SLC15A4: variants seen among roughly 807,000 people sequenced by gnomAD.
SLC15A4 encodes the protein solute carrier family 15 member 4, also known as hPHT1.
In SLC15A4, 26 loss-of-function variants were observed where a neutral mutation model predicts 46.1. That is an observed-to-expected ratio of 0.56 (90% CI 0.41 to 0.78). The LOEUF is 0.78. SLC15A4 is among the 30% of genes least tolerant of loss of function. The pLI is 0.00. For missense variants in SLC15A4, 751 were observed against 755.7 expected (o/e 0.99, Z 0.07); for synonymous variants, 370 against 333.4 (o/e 1.11, Z -1.20).
At chr12:128,806,186 A>G (rs934657646) in intron 5 of SLC15A4, among the ~76,000 whole-genome samples, 10 of 151,708 alleles carry the variant, frequency 6.6e-5, no homozygotes, top group Non-Finnish European at 1.5e-4. Context: ...AAAAAAAGAA[A>G]AACCTATTAC....
chr12:128,814,478 T>C, intron 2 of SLC15A4: 1 of 353,020 alleles, frequency 2.8e-6, no homozygotes, highest in Non-Finnish European at 5.2e-6. Flanking sequence ...CCTCCACAAA[T>C]TTCTACCTTT....
At chr12:128,802,186 A>G (rs1222781878) in intron 5 of SLC15A4, among the ~76,000 whole-genome samples, 1 of 152,190 alleles carries the variant, frequency 6.6e-6, no homozygotes, top group African/African-American at 2.4e-5. Context: ...CAAACTATTT[A>G]GAGCCCTTAG....
chr12:128,806,583 T>C (rs1362598363), intron 5 of SLC15A4, among the ~76,000 whole-genome samples: 1 of 152,034 alleles, frequency 6.6e-6, no homozygotes, highest in African/African-American at 2.4e-5. Context: ...CATGGGCAGG[T>C]GTTTTATTAA....
At chr12:128,816,975 T>C (rs141948019) in intron 1 of SLC15A4, among the ~76,000 whole-genome samples, 7 of 152,310 alleles carry the variant, frequency 4.6e-5, no homozygotes, top group Admixed American at 3.9e-4. Context: ...CTAAAGGAAA[T>C]AGAGCAAAAG....
In SLC15A4 at chr12:128,814,900, G is replaced by A. The variant is rs1319860311; in HGVS notation, c.717C>T (p.Val239=). The change falls in exon 2 of 8, where the codon GTC becomes GTT. Residue 239 remains valine (V), a synonymous_variant. Coordinates refer to ENST00000266771, the MANE Select transcript of SLC15A4 (RefSeq NM_145648.4). ...PTVCVGLAFV[V]FLCGQSVFIT... is the part of the protein sequence containing the mutation. The stretch of plus-strand genomic sequence containing the variant: ...TGAAAACGCTCTGGCCACAGAGGAA[G>A]ACCACAAAAGCAAGGCCGACGCAGA... 6 of 1,614,178 alleles carry A rather than the reference G, an allele frequency of 3.7e-6. No individual in the cohort carries two copies. Among genetic ancestry groups the A allele is most frequent in the Non-Finnish European group, 4.2e-6 (5 of 1,180,046 alleles).
intron 5 of SLC15A4, among the ~76,000 whole-genome samples, chr12:128,806,575 T>C (rs1217456023): frequency 6.6e-6 from 1 of 152,208 alleles, no homozygotes; most frequent in Admixed American, 6.5e-5. Context: ...TCATCAAACA[T>C]GGGCAGGTGT....
chr12:128,818,059 G>C (rs539353022), intron 1 of SLC15A4, among the ~76,000 whole-genome samples: 1 of 151,060 alleles, frequency 6.6e-6, no homozygotes, highest in Non-Finnish European at 1.5e-5. Context: ...CTTAAAATGG[G>C]GTGTCAGTTT....
intron 5 of SLC15A4, among the ~76,000 whole-genome samples, chr12:128,803,554 CTACCT>C (rs1955543631): frequency 6.6e-6 from 1 of 152,196 alleles, no homozygotes; most frequent in Non-Finnish European, 1.5e-5. Context: ...GCCACATGCG[CTACCT>C]TCCAACCCAA....
intron 5 of SLC15A4, among the ~76,000 whole-genome samples, chr12:128,808,143 G>C (rs1284822152): frequency 3.3e-5 from 5 of 152,108 alleles, no homozygotes; most frequent in Admixed American, 6.5e-5. Flanking sequence ...GCAATACCCA[G>C]CTTTATCAGC....
In SLC15A4 at chr12:128,793,532, T is replaced by C. The variant is rs1180236508; in HGVS notation, c.*664A>G. 5 of 152,218 alleles carry C rather than the reference T, an allele frequency of 3.3e-5. No homozygotes were observed. The highest frequency in any genetic ancestry group is 3.3e-4 in the Admixed American group (5 of 15,278). The allele number at this position is 152,218 out of a possible 1,614,324, so 9.4% of individuals were successfully genotyped here. A position where few individuals can be genotyped will look rare whatever the true frequency, so the allele number is the denominator to read the frequency against. ...TTGAGATGGGACACATGGTCTCAAA[T>C]GACTCTTATGCATGCCTTGCCTTAA... On this transcript the variant is annotated 3_prime_UTR_variant, in exon 8 of 8. Transcript: ENST00000266771.
At chr12:128,809,336 G>GAATC in intron 4 of SLC15A4, 60 bp downstream of exon 4, 1 of 1,048,086 alleles carries the variant, frequency 9.5e-7, no homozygotes, top group Non-Finnish European at 1.4e-6. Context: ...TTGGTAGAAG[G>GAATC]AATCCATTTA....
chr12:128,808,196 CAG>C, intron 5 of SLC15A4, among the ~76,000 whole-genome samples: 1 of 152,104 alleles, frequency 6.6e-6, no homozygotes, highest in East Asian at 1.9e-4. Flanking sequence ...ATTATGAAAA[CAG>C]AATGGAAATC....
Position 128,823,919 on chromosome 12 carries a change from C to A in SLC15A4, c.25G>T (p.Gly9Cys). Residue 9 changes from glycine (G) to cysteine (C), a missense_variant, in exon 1 of 8, where the codon GGC (glycine) becomes TGC (cysteine). Gly to Cys is a radical substitution (Grantham distance 159, BLOSUM62 -3). Coordinates refer to ENST00000266771, the MANE Select transcript of SLC15A4 (RefSeq NM_145648.4). MEGSGGGA[G>C]ERAPLLGARR... ...GCGCCCAGCAGCGGCGCCCGCTCGC[C>A]CGCACCGCCCCCAGAGCCCTCCATG... The A allele has an allele frequency of 1.4e-6, 1 of 738,672 alleles. No homozygotes were observed. The highest frequency in any genetic ancestry group is 5.9e-5 in the South Asian group (1 of 17,070). The allele number at this position is 738,672 out of a possible 1,614,324, so 45.8% of individuals were successfully genotyped here.
intron 7 of SLC15A4, among the ~76,000 whole-genome samples, chr12:128,795,912 C>T (rs56805905): frequency 0.036 from 5,477 of 152,280 alleles, 216 homozygotes; most frequent in African/African-American, 0.09. Flanking sequence ...GTCGCAGGTG[C>T]GTGTGGCCGG....
chr12:128,823,564 G>C lies in SLC15A4; in HGVS notation c.380C>G (p.Ala127Gly), dbSNP rs1055988005. The C allele has an allele frequency of 1.4e-6, 2 of 1,441,652 alleles. No individual in the cohort carries two copies. Among genetic ancestry groups the C allele is most frequent in the Non-Finnish European group, 1.8e-6 (2 of 1,105,222 alleles). 89.3% of individuals were successfully genotyped at this position (1,441,652 alleles called of 1,614,324 possible). Residue 127 changes from alanine to glycine, a missense_variant, in exon 1 of 8, where the codon GCC becomes GGC. Physicochemically the swap from Ala to Gly is moderately conservative, Grantham distance 60 (BLOSUM62 0). Coordinates refer to ENST00000266771, the MANE Select transcript of SLC15A4 (RefSeq NM_145648.4). ...GGAACCGCAGAGCGCGGCTCGCGTG[G>C]CGGGCGCGGCCAGCAGCGGGAAGGC... Reference protein sequence around the residue: ...MLAFPLLAAPATRAALCGSAR... With the variant: ...MLAFPLLAAPGTRAALCGSAR...
Position 128,794,256 on chromosome 12 carries a change from G to T in SLC15A4, c.1674C>A (p.Asp558Glu). The change falls in exon 8 of 8, where the codon GAC (aspartate) becomes GAA (glutamate). Residue 558 changes from aspartate (D) to glutamate (E), a missense_variant. By Grantham distance (45) the Asp-to-Glu change is conservative. Transcript: ENST00000266771. The part of the protein sequence containing the change: ...LLFLIISVKY[D>E]HHRDHQRSRA... ...TTGATCGCTGATGGTCTCGATGATGGTCATATTTCACAGAAATAATGAGGA... is the reference window on the plus strand; with the variant it reads ...TTGATCGCTGATGGTCTCGATGATGTTCATATTTCACAGAAATAATGAGGA... 1 of 1,614,010 alleles carries T rather than the reference G, an allele frequency of 6.2e-7. No homozygotes were observed. The highest frequency in any genetic ancestry group is 8.5e-7 in the Non-Finnish European group (1 of 1,179,942).
chr12:128,814,616 G>A lies in SLC15A4; in HGVS notation c.842+159C>T, dbSNP rs1038437169. 3.6e-5 allele frequency: 26 copies of A among 720,656 alleles called. 1 individual carries two copies. The highest frequency in any genetic ancestry group is 2.1e-4 in the African/African-American group (12 of 56,510). 44.6% of individuals were successfully genotyped at this position (720,656 alleles called of 1,614,324 possible). On this transcript the variant is annotated intron_variant, in intron 2 of 7. Transcript: ENST00000266771. ...AAGATGGGATAATAAGACCGCACCC[G>A]CCTCCTTGGGGAAATGCAGTGTTAA... is the stretch of plus-strand genomic sequence containing the variant.
rs1282180855 is a variant in SLC15A4, at chr12:128,823,450, C to A, written c.494G>T (p.Gly165Val). The part of the protein sequence containing the change: ...PATFAGLVLV[G>V]LGVATVKANI... ...GGCCTTGACGGTGGCCACGCCCAGG[C>A]CCACCAGCACCAGCCCCGCGAAGGT... The change falls in exon 1 of 8, where the codon GGC (glycine) becomes GTC (valine). Residue 165 changes from glycine (G) to valine (V), a missense_variant. Gly to Val is a moderately radical substitution (Grantham distance 109). Transcript: ENST00000266771. 4.1e-6 allele frequency: 6 copies of A among 1,472,876 alleles called. No homozygotes were observed. Among genetic ancestry groups the A allele is most frequent in the Non-Finnish European group, 5.4e-6 (6 of 1,119,382 alleles). The allele number at this position is 1,472,876 out of a possible 1,614,324, so 91.2% of individuals were successfully genotyped here. A position where few individuals can be genotyped will look rare whatever the true frequency, so the allele number is the denominator to read the frequency against.
intron 2 of SLC15A4, chr12:128,813,746 T>C (rs1276060608): frequency 6.6e-6 from 1 of 152,234 alleles, no homozygotes; most frequent in Non-Finnish European, 1.5e-5. Flanking sequence ...ATTTCTACGT[T>C]GATCAAAACA....
Sources: allele counts gnomAD v4.1 joint callset (sites outside exome capture counted in the v4.1 genomes callset), GRCh38; gene constraint gnomAD v4.1.1; transcripts MANE v1.5; gene names NCBI Gene and HGNC (gene_info 2026-07-23, HGNC 2026-07-21).